Variants in MTOR observed in about 807,000 individuals in gnomAD.
MTOR encodes the protein mechanistic target of rapamycin kinase.
In MTOR, 70 loss-of-function variants were observed where a neutral mutation model predicts 319.8. That is an observed-to-expected ratio of 0.22 (90% CI 0.18 to 0.27). The LOEUF (loss-of-function observed/expected upper bound fraction) is 0.27, where lower values mean the gene tolerates loss of function less well. Among genes scored for constraint, MTOR ranks in the 10% least tolerant of loss-of-function variants. The pLI is 1.00. For missense variants in MTOR, 1,890 were observed against 3,274.4 expected, an observed-to-expected ratio of 0.58 and a Z score of 10.32; for synonymous variants, 1,183 against 1,211.4, an observed-to-expected ratio of 0.98 and a Z score of 0.49.
intron 28 of MTOR, among the ~76,000 whole-genome samples, chr1:11,184,044 T>C: frequency 6.6e-6 from 1 of 152,260 alleles, no homozygotes; most frequent in African/African-American, 2.4e-5. Context: ...ATGTCACTAC[T>C]GTACTGCCTT....
At chr1:11,246,889 G>A (rs1211232681) in intron 8 of MTOR, among the ~76,000 whole-genome samples, 2 of 152,222 alleles carry the variant, frequency 1.3e-5, no homozygotes, top group Non-Finnish European at 2.9e-5. Context: ...TGAGGAGGCT[G>A]TAATAATATA....
At chr1:11,244,996 A>G (rs1437327257) in intron 8 of MTOR, among the ~76,000 whole-genome samples, 1 of 152,256 alleles carries the variant, frequency 6.6e-6, no homozygotes, top group Non-Finnish European at 1.5e-5. Context: ...GTTAAGCAAT[A>G]TATGACTGTA....
chr1:11,175,976 G>T (rs1460401851), intron 28 of MTOR, among the ~76,000 whole-genome samples: 1 of 152,058 alleles, frequency 6.6e-6, no homozygotes, highest in East Asian at 1.9e-4. Flanking sequence ...TTGAACTCCT[G>T]ACCTCAAATG....
rs1281220720 is a variant in MTOR, at chr1:11,127,233, C to T, written c.6217-89G>A. 5 of 1,560,548 alleles carry T rather than the reference C, an allele frequency of 3.2e-6. No homozygotes were observed. The highest frequency in any genetic ancestry group is 1.4e-5 in the African/African-American group (1 of 73,686). On this transcript the variant is annotated intron_variant, in intron 44 of 57. Coordinates refer to ENST00000361445, the MANE Select transcript of MTOR (RefSeq NM_004958.4). The surrounding 1 kb of genome is among the most constrained non-coding windows in gnomAD (Gnocchi z 5.5). The stretch of plus-strand genomic sequence containing the variant: ...CCCCAGGCTGACTGCAGATATTCCT[C>T]AGGAGCCCGCTGTGGCCTGAAAACA...
intron 16 of MTOR, 132 bp from the exon 17 acceptor site, chr1:11,231,566 T>A: frequency 1.8e-6 from 2 of 1,117,378 alleles, no homozygotes; most frequent in Non-Finnish European, 2.5e-6. Flanking sequence ...GTAAAGACAC[T>A]AACCATGAGC....
At chr1:11,204,466 A>G in intron 26 of MTOR, 95 bp downstream of exon 26, 1 of 1,430,694 alleles carries the variant, frequency 7.0e-7, no homozygotes. Flanking sequence ...AAAATTAAAA[A>G]TACCAGCCCC....
rs765748677 is a variant in MTOR at position 11,258,515 on chromosome 1, T to G, written c.241A>C (p.Asn81His). The change falls in exon 3 of 58, where the codon AAT becomes CAT. Residue 81 changes from asparagine to histidine, a missense_variant. Physicochemically the swap from Asn to His is moderately conservative, Grantham distance 68. Around this residue, in one of 15 missense-constraint regions of MTOR, gnomAD observed 85 missense variants for 105.8 expected, o/e 0.80. Transcript: ENST00000361445. ...GCCAAGATGCCACCTTTCCTCTCAT[T>G]GGCATCTGAGCTGGAAACCAATTCA... The part of the protein sequence containing the change: ...IFELVSSSDA[N>H]ERKGGILAIA... 3.1e-6 allele frequency: 5 copies of G among 1,614,120 alleles called. No homozygotes were observed. In the South Asian group the frequency reaches 5.5e-5, roughly 18 times the overall value.
At chr1:11,196,709 G>A (rs1645797351) in intron 28 of MTOR, among the ~76,000 whole-genome samples, 1 of 152,022 alleles carries the variant, frequency 6.6e-6, no homozygotes, top group Non-Finnish European at 1.5e-5. Context: ...AAAATTAGCT[G>A]GGCATGGTGG....
At chr1:11,145,979 C>T (rs1167202407) in intron 32 of MTOR, among the ~76,000 whole-genome samples, 3 of 152,190 alleles carry the variant, frequency 2.0e-5, no homozygotes, top group African/African-American at 4.8e-5. Context: ...AACGGGAACT[C>T]TTGTGTCTCT....
intron 28 of MTOR, among the ~76,000 whole-genome samples, chr1:11,194,108 T>C (rs1645677591): frequency 6.6e-6 from 1 of 152,120 alleles, no homozygotes; most frequent in Non-Finnish European, 1.5e-5. Flanking sequence ...CTGATACTGT[T>C]TGGGGACCCT....
intron 49 of MTOR, among the ~76,000 whole-genome samples, chr1:11,117,309 C>G (rs546322517): frequency 2.0e-5 from 3 of 152,096 alleles, no homozygotes. Flanking sequence ...TACAGGCACC[C>G]GCCACCATGC....
intron 28 of MTOR, among the ~76,000 whole-genome samples, chr1:11,177,569 C>G (rs972900775): frequency 6.6e-6 from 1 of 151,988 alleles, no homozygotes; most frequent in Non-Finnish European, 1.5e-5. Flanking sequence ...AAAAACAAAA[C>G]AAAAGATTCC....
At chr1:11,210,103 A>T (rs192152606) in intron 24 of MTOR, among the ~76,000 whole-genome samples, 36 of 152,294 alleles carry the variant, frequency 2.4e-4, no homozygotes, top group Admixed American at 2.2e-3. Context: ...CCTGACCTCA[A>T]GTGATCCTCC....
chr1:11,149,327 TC>T (rs1318132703), intron 31 of MTOR: 1 of 152,120 alleles, frequency 6.6e-6, no homozygotes, highest in Non-Finnish European at 1.5e-5. Flanking sequence ...TTCAGCCCTG[TC>T]CACTGACATC....
intron 30 of MTOR, among the ~76,000 whole-genome samples, chr1:11,151,355 G>A (rs1368625004): frequency 6.6e-6 from 1 of 152,086 alleles, no homozygotes; most frequent in Non-Finnish European, 1.5e-5. Context: ...CCAAAAAGAG[G>A]AACTGGTGGC....
chr1:11,168,023 C>A (rs553515543), intron 28 of MTOR, among the ~76,000 whole-genome samples: 2 of 151,880 alleles, frequency 1.3e-5, no homozygotes, highest in Non-Finnish European at 2.9e-5. Flanking sequence ...TGAGCCGAGA[C>A]CGTGCCACTG....
At chr1:11,209,612 G>A (rs945456222) in intron 24 of MTOR, among the ~76,000 whole-genome samples, 154 bp from the exon 25 acceptor site, 1 of 152,138 alleles carries the variant, frequency 6.6e-6, no homozygotes, top group African/African-American at 2.4e-5. Flanking sequence ...AACCACAGAT[G>A]GGCTGACTCC....
chr1:11,221,071 T>C (rs1341559807), intron 19 of MTOR, among the ~76,000 whole-genome samples: 1 of 152,070 alleles, frequency 6.6e-6, no homozygotes, highest in Non-Finnish European at 1.5e-5. Flanking sequence ...CTTGGCTCAC[T>C]GCAACCTCTG....
rs746131964 is a variant in MTOR at position 11,128,809 on chromosome 1, G to A, written c.5811+46C>T. 1 of 1,491,450 alleles carries A rather than the reference G, an allele frequency of 6.7e-7. No homozygotes were observed. Among genetic ancestry groups the A allele is most frequent in the South Asian group, 1.2e-5 (1 of 86,496 alleles). 92.4% of individuals were successfully genotyped at this position (1,491,450 alleles called of 1,614,324 possible). ...GCATGCTTGTAAGAGGAGACACACA[G>A]AAGAGAGACTTGGAGCCACCTTCAC... is the stretch of plus-strand genomic sequence containing the variant. On this transcript the variant is annotated intron_variant, in intron 41 of 57. Coordinates refer to ENST00000361445, the MANE Select transcript of MTOR (RefSeq NM_004958.4). This position sits in a 1 kb window ranked among gnomAD's most constrained non-coding sequence, Gnocchi z 5.3.
Sources: gnomAD v4.1 joint callset for allele counts (sites outside exome capture counted in the v4.1 genomes callset) on GRCh38, gnomAD v4.1.1 for gene constraint, gnomAD v4.1.1 regional missense constraint, Gnocchi (gnomAD v3.1) non-coding constraint, MANE v1.5 for transcripts, NCBI Gene and HGNC (gene_info 2026-07-23, HGNC 2026-07-21) for gene names.